The following RBFOX1 variants were observed in gnomAD, a reference collection of about 807,000 sequenced individuals.
The protein encoded by RBFOX1 is RNA binding fox-1 homolog 1.
Under a neutral mutation model 57.7 loss-of-function variants are expected in RBFOX1, and 8 were observed. The ratio of observed to expected loss-of-function variants is 0.14; its 90% CI spans 0.08 to 0.25. The LOEUF (loss-of-function observed/expected upper bound fraction) is 0.25, where lower values mean the gene tolerates loss of function less well. Ranked by LOEUF, RBFOX1 falls within the 10% of genes least tolerant of loss-of-function variation. The pLI, the probability that RBFOX1 is intolerant of heterozygous loss-of-function variation, is 1.00. For missense variants in RBFOX1, 611 were observed against 548.5 expected, an observed-to-expected ratio of 1.11 and a Z score of -1.14; for synonymous variants, 326 against 222.4, an observed-to-expected ratio of 1.47 and a Z score of -4.15.
chr16:7,101,728 A>C (rs2062727054), intron 4 of RBFOX1, among the ~76,000 whole-genome samples: 1 of 152,136 alleles, frequency 6.6e-6, no homozygotes, highest in South Asian at 2.1e-4. Flanking sequence ...TGCTTGCCGC[A>C]GAAGACAAGT....
intron 3 of RBFOX1, among the ~76,000 whole-genome samples, chr16:7,043,560 C>T (rs548491716): frequency 5.9e-5 from 9 of 152,272 alleles, no homozygotes; most frequent in Middle Eastern, 3.4e-3. Context: ...AAAACAGCAA[C>T]GCTGAGAAAT....
intron 4 of RBFOX1, among the ~76,000 whole-genome samples, chr16:7,071,900 C>A (rs919995798): frequency 1.3e-5 from 2 of 152,112 alleles, no homozygotes; most frequent in Non-Finnish European, 2.9e-5. Context: ...AGACCAGAAG[C>A]TCAGCTGTTG....
intron 2 of RBFOX1, among the ~76,000 whole-genome samples, chr16:6,600,605 C>G (rs887385630): frequency 6.6e-6 from 1 of 152,190 alleles, no homozygotes; most frequent in Non-Finnish European, 1.5e-5. Flanking sequence ...AACCTGCCAT[C>G]ATTTCTGGGG....
intron 4 of RBFOX1, among the ~76,000 whole-genome samples, chr16:7,482,762 G>T (rs1279015680): frequency 6.6e-6 from 1 of 151,870 alleles, no homozygotes. Context: ...TCTTGGATGT[G>T]CTGGTAAGCC....
chr16:6,991,583 C>G (rs940131221), intron 3 of RBFOX1, among the ~76,000 whole-genome samples: 1 of 152,172 alleles, frequency 6.6e-6, no homozygotes, highest in Non-Finnish European at 1.5e-5. Flanking sequence ...GTCACCCAGG[C>G]TGGAGTTCAG....
chr16:6,760,964 C>G (rs754688165), intron 3 of RBFOX1, among the ~76,000 whole-genome samples: 2 of 152,174 alleles, frequency 1.3e-5, no homozygotes, highest in Non-Finnish European at 2.9e-5. Context: ...GAGAGATCTT[C>G]TTAGCTCTCT....
intron 2 of RBFOX1, among the ~76,000 whole-genome samples, chr16:5,582,167 G>A (rs1174120775): frequency 1.3e-5 from 2 of 152,212 alleles, no homozygotes; most frequent in Non-Finnish European, 1.5e-5. Flanking sequence ...TCTCGCCCCG[G>A]GAGTACCAGA....
intron 1 of RBFOX1, among the ~76,000 whole-genome samples, chr16:6,150,922 C>A (rs537579048): frequency 6.6e-6 from 1 of 152,170 alleles, no homozygotes; most frequent in African/African-American, 2.4e-5. Flanking sequence ...TTGATTGACA[C>A]CTTGGGCGCC....
intron 1 of RBFOX1, among the ~76,000 whole-genome samples, chr16:6,189,768 T>TA (rs1465562250): frequency 6.6e-6 from 1 of 152,194 alleles, no homozygotes; most frequent in African/African-American, 2.4e-5. Flanking sequence ...TGATATTTTT[T>TA]AAAAAAATTA....
intron 3 of RBFOX1, among the ~76,000 whole-genome samples, chr16:6,751,695 T>A (rs1047010653): frequency 6.6e-6 from 1 of 152,148 alleles, no homozygotes. Context: ...AGCTTGCTGC[T>A]TACAGTATAC....
At chr16:5,876,707 C>A (rs1205349223) in intron 4 of RBFOX1, among the ~76,000 whole-genome samples, 1 of 152,212 alleles carries the variant, frequency 6.6e-6, no homozygotes, top group Non-Finnish European at 1.5e-5. Context: ...TAGCATTATA[C>A]ATTCCAACCT....
intron 3 of RBFOX1, among the ~76,000 whole-genome samples, chr16:5,741,344 A>T (rs1450982433): frequency 6.6e-6 from 1 of 152,180 alleles, no homozygotes; most frequent in Non-Finnish European, 1.5e-5. Context: ...AGGGTCATTA[A>T]TATCATCATC....
At chr16:5,737,196 A>G (rs1360525434) in intron 3 of RBFOX1, among the ~76,000 whole-genome samples, 3 of 151,944 alleles carry the variant, frequency 2.0e-5, no homozygotes, top group Non-Finnish European at 4.4e-5. Flanking sequence ...TTAAAAAAAG[A>G]TTCTGGGCTG....
chr16:7,215,428 T>C (rs563930248), intron 4 of RBFOX1, among the ~76,000 whole-genome samples: 7 of 152,308 alleles, frequency 4.6e-5, no homozygotes, highest in Admixed American at 3.3e-4. Context: ...CAAATGTCCA[T>C]CAATGATAGA....
chr16:5,774,818 G>C (rs149497808), intron 3 of RBFOX1, among the ~76,000 whole-genome samples: 92 of 152,260 alleles, frequency 6.0e-4, no homozygotes, highest in African/African-American at 2.2e-3. Flanking sequence ...AAGTAGCTGG[G>C]ATTGCAGGCA....
intron 6 of RBFOX1, among the ~76,000 whole-genome samples, chr16:7,581,371 A>G (rs1354527349): frequency 6.6e-6 from 1 of 152,168 alleles, no homozygotes; most frequent in Admixed American, 6.5e-5. Flanking sequence ...CCAGGTGTGA[A>G]TGATGGGCGG....
At chr16:6,325,478 C>T (rs1429772330) in intron 2 of RBFOX1, among the ~76,000 whole-genome samples, 1 of 152,162 alleles carries the variant, frequency 6.6e-6, no homozygotes, top group Non-Finnish European at 1.5e-5. Context: ...CACCGGTTAC[C>T]AACTGAAGAA....
In RBFOX1 at chr16:7,475,403, C is replaced by T. The variant is rs530606154; in HGVS notation, c.28-42744C>T. 5.3e-5 allele frequency among the ~76,000 whole-genome samples: 8 copies of T among 151,844 alleles called. 1 individual carries two copies. In the East Asian group the frequency reaches 1.6e-3, roughly 29 times the overall value. ...GATCTCGGCTCACTGCAACTTCTGC[C>T]TCCCGGGTTCAAGCAATTCTCCTGC... is the stretch of plus-strand genomic sequence containing the variant. On this transcript the variant is annotated intron_variant, in intron 4 of 15. Coordinates refer to ENST00000550418, the MANE Select transcript of RBFOX1 (RefSeq NM_018723.4).
intron 5 of RBFOX1, among the ~76,000 whole-genome samples, chr16:7,533,761 A>C (rs970182010): frequency 8.5e-5 from 13 of 152,244 alleles, no homozygotes; most frequent in Non-Finnish European, 1.3e-4. Flanking sequence ...ATTAAGTTGA[A>C]ATATCGTAAG....
Sources: gnomAD v4.1 joint callset for allele counts (sites outside exome capture counted in the v4.1 genomes callset) on GRCh38, gnomAD v4.1.1 for gene constraint, MANE v1.5 for transcripts, NCBI Gene and HGNC (gene_info 2026-07-23, HGNC 2026-07-21) for gene names.